The following EMCN variants were observed in gnomAD, a reference collection of about 807,000 sequenced individuals.
EMCN encodes the protein MUC-14.
A neutral mutation model predicts 38.4 loss-of-function variants in EMCN; 37 were observed. The observed-to-expected ratio is 0.96, with a 90% CI of 0.74 to 1.27. The LOEUF is 1.27. Ranked by LOEUF, EMCN falls within the 50% of genes most tolerant of loss-of-function variation. The probability of loss-of-function intolerance (pLI) is 0.00; values close to 1 mark genes in which losing one functional copy is unlikely to be tolerated. For missense variants in EMCN, 318 were observed against 302.8 expected (o/e 1.05, Z -0.37); for synonymous variants, 95 against 100.8 (o/e 0.94, Z 0.35).
rs765871320 is a variant in EMCN at position 100,423,338 on chromosome 4, A to G, written c.482T>C (p.Ile161Thr). The G allele has an allele frequency of 6.2e-7, 1 of 1,612,888 alleles. No homozygotes were observed. The highest frequency in any genetic ancestry group is 1.7e-5 in the Admixed American group (1 of 59,844). Residue 161 changes from isoleucine (I) to threonine (T), a missense_variant, in exon 6 of 12, where the codon ATT becomes ACT. Physicochemically the swap from Ile to Thr is moderately conservative, Grantham distance 89. Coordinates refer to ENST00000296420, the MANE Select transcript of EMCN (RefSeq NM_016242.4). The part of the protein sequence containing the change: ...TGTLTSIPVT[I>T]PENTSQSQVI... The stretch of plus-strand genomic sequence containing the variant: ...TTGAGACTGTGAGGTGTTTTCTGGA[A>G]TTGTAACTGGTATTGAGGTTAATGT...
chr4:100,455,747 G>T (rs1727997916), intron 4 of EMCN, among the ~76,000 whole-genome samples: 1 of 151,370 alleles, frequency 6.6e-6, no homozygotes, highest in South Asian at 2.1e-4. Flanking sequence ...TGAATCTATG[G>T]GTTTATAATT....
intron 11 of EMCN, among the ~76,000 whole-genome samples, chr4:100,409,482 C>G (rs1346716614): frequency 2.8e-4 from 42 of 152,154 alleles, no homozygotes; most frequent in Admixed American, 2.8e-3. Context: ...TGAGCTTACT[C>G]CTGGTCATGA....
intron 5 of EMCN, among the ~76,000 whole-genome samples, chr4:100,445,110 A>G (rs1215543281): frequency 1.3e-5 from 2 of 152,176 alleles, no homozygotes; most frequent in Non-Finnish European, 2.9e-5. Flanking sequence ...AGTGGTCTAC[A>G]GGATTTCTGC....
intron 1 of EMCN, among the ~76,000 whole-genome samples, chr4:100,501,125 C>T (rs1055668934): frequency 2.0e-5 from 3 of 151,798 alleles, no homozygotes; most frequent in Non-Finnish European, 4.4e-5. Context: ...TGTGTGTTTT[C>T]CTGAAATAAG....
chr4:100,423,241 A>C, intron 6 of EMCN, 71 bp downstream of exon 6: 1 of 1,388,608 alleles, frequency 7.2e-7, no homozygotes, highest in Non-Finnish European at 1.0e-6. Context: ...TTGTGAGTCA[A>C]GATTGTTAGG....
At chr4:100,470,069 T>C (rs969195907) in intron 3 of EMCN, among the ~76,000 whole-genome samples, 10 of 152,174 alleles carry the variant, frequency 6.6e-5, no homozygotes, top group East Asian at 1.9e-4. Flanking sequence ...AAAAAGCTTC[T>C]GCATAGCAAA....
chr4:100,448,793 A>C (rs909796147), intron 4 of EMCN, among the ~76,000 whole-genome samples: 1 of 35,482 alleles, frequency 2.8e-5, no homozygotes, highest in East Asian at 2.4e-3. Context: ...TCTGCCTTGA[A>C]GTCTTCCTTC....
intron 11 of EMCN, among the ~76,000 whole-genome samples, chr4:100,407,837 C>A (rs1726438083): frequency 6.6e-6 from 1 of 152,164 alleles, no homozygotes; most frequent in Non-Finnish European, 1.5e-5. Flanking sequence ...TGCTTGCTTT[C>A]TTTCCCTGTC....
At chr4:100,412,044 ATTAG>A (rs150296939) in intron 10 of EMCN, among the ~76,000 whole-genome samples, 6,991 of 152,130 alleles carry the variant, frequency 0.046, 562 homozygotes, top group African/African-American at 0.16. Context: ...TAGCATACCA[ATTAG>A]TTAGTTTGCT....
At chr4:100,464,722 G>A (rs1164268243) in intron 4 of EMCN, among the ~76,000 whole-genome samples, 3 of 151,906 alleles carry the variant, frequency 2.0e-5, no homozygotes, top group African/African-American at 7.3e-5. Context: ...AATCTGACTT[G>A]TTCATATTTT....
chr4:100,426,384 T>A (rs1418844579), intron 5 of EMCN, among the ~76,000 whole-genome samples: 1 of 152,106 alleles, frequency 6.6e-6, no homozygotes, highest in Non-Finnish European at 1.5e-5. Context: ...CTGATGGTCT[T>A]GCTGAACCTC....
At chr4:100,405,489 G>A (rs1726368393) in intron 11 of EMCN, among the ~76,000 whole-genome samples, 1 of 152,000 alleles carries the variant, frequency 6.6e-6, no homozygotes, top group African/African-American at 2.4e-5. Flanking sequence ...TGCAATTTTT[G>A]TTTTGAGTTC....
intron 1 of EMCN, among the ~76,000 whole-genome samples, chr4:100,503,090 AT>A (rs1402281594): frequency 6.6e-6 from 1 of 152,044 alleles, no homozygotes; most frequent in Non-Finnish European, 1.5e-5. Flanking sequence ...TAAAACTTCT[AT>A]TTTTATTCTC....
chr4:100,460,299 T>C (rs1456107037), intron 4 of EMCN, among the ~76,000 whole-genome samples: 2 of 152,190 alleles, frequency 1.3e-5, no homozygotes, highest in Non-Finnish European at 2.9e-5. Context: ...TTACATTGTT[T>C]GAGTTCCTTA....
chr4:100,465,368 A>C lies in EMCN; in HGVS notation c.376+55T>G. ...GTTGTATGCTGGAAAACATTCTGAA[A>C]CTAGTTTTATGCAACACACTAGTTT... is the stretch of plus-strand genomic sequence containing the variant. On this transcript the variant is annotated intron_variant, in intron 4 of 11. Coordinates refer to ENST00000296420, the MANE Select transcript of EMCN (RefSeq NM_016242.4). 3 of 982,810 alleles carry C rather than the reference A, an allele frequency of 3.1e-6. No homozygotes were observed. In the South Asian group the frequency reaches 5.0e-5, roughly 17 times the overall value. The allele number at this position is 982,810 out of a possible 1,614,324, so 60.9% of individuals were successfully genotyped here. A position where few individuals can be genotyped will look rare whatever the true frequency, so the allele number is the denominator to read the frequency against.
At chr4:100,462,164 A>G (rs1728196382) in intron 4 of EMCN, among the ~76,000 whole-genome samples, 1 of 152,222 alleles carries the variant, frequency 6.6e-6, no homozygotes, top group Non-Finnish European at 1.5e-5. Flanking sequence ...AAAATTTTGT[A>G]TAAAACTTGT....
At chr4:100,493,973 T>G (rs571281646) in intron 1 of EMCN, among the ~76,000 whole-genome samples, 1 of 152,298 alleles carries the variant, frequency 6.6e-6, no homozygotes, top group South Asian at 2.1e-4. Flanking sequence ...GAGTAGAGGA[T>G]TTATAGCTCT....
chr4:100,468,729 T>TA (rs536743664), intron 3 of EMCN, among the ~76,000 whole-genome samples: 323 of 152,048 alleles, frequency 2.1e-3, no homozygotes, highest in South Asian at 3.7e-3. Flanking sequence ...AAAACATTAA[T>TA]AAAAAAACTG....
intron 5 of EMCN, among the ~76,000 whole-genome samples, chr4:100,425,048 A>G (rs1055946806): frequency 6.6e-6 from 1 of 151,964 alleles, no homozygotes; most frequent in Non-Finnish European, 1.5e-5. Context: ...TTAAGACTTC[A>G]TAGTGGAAAG....
Sources: gnomAD v4.1 joint callset for allele counts (sites outside exome capture counted in the v4.1 genomes callset) on GRCh38, gnomAD v4.1.1 for gene constraint, MANE v1.5 for transcripts, NCBI Gene and HGNC (gene_info 2026-07-23, HGNC 2026-07-21) for gene names.